The following FRMD3 variants were observed in gnomAD, a reference collection of about 807,000 sequenced individuals.
The protein encoded by FRMD3 is FERM domain containing 3, also known as FERM domain-containing protein 3.
Under a neutral mutation model 70.2 loss-of-function variants are expected in FRMD3, and 33 were observed. That is an observed-to-expected ratio of 0.47 (90% CI 0.36 to 0.63). FRMD3 has a LOEUF of 0.63. FRMD3 is among the 20% of genes least tolerant of loss of function. The pLI is 0.00. For synonymous variants in FRMD3, 279 were observed against 255.9 expected, an observed-to-expected ratio of 1.09 and a Z score of -0.86; for missense variants, 632 against 711.4, an observed-to-expected ratio of 0.89 and a Z score of 1.27.
At chr9:83,323,351 C>G (rs1427076891) in intron 6 of FRMD3, among the ~76,000 whole-genome samples, 1 of 152,192 alleles carries the variant, frequency 6.6e-6, no homozygotes, top group Non-Finnish European at 1.5e-5. Flanking sequence ...AAGCTACACG[C>G]TATGAGATGA....
chr9:83,584,107 G>A, the FRMD3 span, among the ~76,000 whole-genome samples: 2 of 152,064 alleles, frequency 1.3e-5, no homozygotes, highest in Admixed American at 6.6e-5. Context: ...AGGCCAAGGC[G>A]GGTGGATCAC....
chr9:83,350,375 G>A (rs145524230), intron 3 of FRMD3, among the ~76,000 whole-genome samples: 3,504 of 151,934 alleles, frequency 0.023, 143 homozygotes, highest in African/African-American at 0.08. Context: ...TGTAATCCCA[G>A]CACTTTGGGA....
intron 5 of FRMD3, among the ~76,000 whole-genome samples, chr9:83,339,506 G>T (rs1385640523): frequency 2.0e-5 from 3 of 152,170 alleles, no homozygotes; most frequent in Non-Finnish European, 2.9e-5. Context: ...AAGTGAATGG[G>T]TGAGTAAGGT....
rs552043234 is a variant in FRMD3, at chr9:83,298,827, C to G, written c.1002-11G>C. 1 of 1,613,514 alleles carries G rather than the reference C, an allele frequency of 6.2e-7. No individual in the cohort carries two copies. Among genetic ancestry groups the G allele is most frequent in the African/African-American group, 1.3e-5 (1 of 75,036 alleles). On this transcript the variant is annotated splice_polypyrimidine_tract_variant and intron_variant, in intron 11 of 13. Coordinates refer to ENST00000304195, the MANE Select transcript of FRMD3 (RefSeq NM_174938.6). Reference sequence around the variant, plus strand: ...TTGGCAACTTTCCCACTGCAAAAGACAGAAACACATGTGTATGCACACATA... The same window carrying G: ...TTGGCAACTTTCCCACTGCAAAAGAGAGAAACACATGTGTATGCACACATA...
At chr9:83,354,709 G>T (rs1047905743) in intron 3 of FRMD3, among the ~76,000 whole-genome samples, 6 of 152,064 alleles carry the variant, frequency 3.9e-5, no homozygotes, top group African/African-American at 1.4e-4. Flanking sequence ...GGGTAAACAG[G>T]TATAAAAATC....
intron 13 of FRMD3, chr9:83,279,400 G>A (rs1272782451): frequency 6.6e-6 from 1 of 152,090 alleles, no homozygotes; most frequent in East Asian, 1.9e-4. Context: ...TCATGTCTCA[G>A]TTACCACATT....
chr9:83,468,526 G>A (rs1828189782), intron 1 of FRMD3, among the ~76,000 whole-genome samples: 1 of 152,076 alleles, frequency 6.6e-6, no homozygotes, highest in South Asian at 2.1e-4. Context: ...GTTCCTAAAC[G>A]GTTCATTTCT....
At position 83,507,602 on chromosome 9, in the gene FRMD3, A is replaced by G. The variant is rs1459269795; in HGVS notation, c.147+30483T>C. ...GGAGAATGGCATGAACCTGGGAGGC[A>G]GAGCTTGCAGTGAGCCATGATCGCG... On this transcript the variant is annotated intron_variant, in intron 1 of 13. Coordinates refer to ENST00000304195, the MANE Select transcript of FRMD3 (RefSeq NM_174938.6). Among the ~76,000 whole-genome samples, 9 of 147,536 alleles carry G rather than the reference A, an allele frequency of 6.1e-5. No individual in the cohort carries two copies. In the East Asian group the frequency reaches 1.8e-3, roughly 29 times the overall value.
rs1671132055 is a variant in FRMD3, at chr9:83,272,924, T to C, written c.1195+17679A>G. On this transcript the variant is annotated intron_variant, in intron 13 of 13. Coordinates refer to ENST00000304195, the MANE Select transcript of FRMD3 (RefSeq NM_174938.6). ...CCCGGCAGCCGCCCCGTCTGAGAAG[T>C]GAGGAGCCCCTCCGCCCGGCAGCCG... Among the ~76,000 whole-genome samples, 4 of 146,170 alleles carry C rather than the reference T, an allele frequency of 2.7e-5. No homozygotes were observed. The South Asian group carries it at 8.8e-4, about 32-fold the overall frequency.
At chr9:83,401,973 A>G (rs1362552263) in intron 1 of FRMD3, among the ~76,000 whole-genome samples, 2 of 152,104 alleles carry the variant, frequency 1.3e-5, no homozygotes, top group Non-Finnish European at 2.9e-5. Flanking sequence ...TTTTTTAAAT[A>G]TGCACCTAAA....
chr9:83,314,504 A>C (rs1003463845), intron 6 of FRMD3, among the ~76,000 whole-genome samples: 15 of 152,234 alleles, frequency 9.9e-5, no homozygotes, highest in African/African-American at 3.6e-4. Context: ...TTTTATTTTC[A>C]AAATGTAAAA....
intron 1 of FRMD3, among the ~76,000 whole-genome samples, chr9:83,419,420 A>G (rs1050559320): frequency 1.3e-5 from 2 of 152,034 alleles, no homozygotes; most frequent in African/African-American, 2.4e-5. Context: ...CATTATAGGC[A>G]TCATGATCTT....
chr9:83,366,221 T>C (rs1296246267), intron 3 of FRMD3, among the ~76,000 whole-genome samples: 1 of 152,170 alleles, frequency 6.6e-6, no homozygotes, highest in Non-Finnish European at 1.5e-5. Flanking sequence ...TTCAAGCAAT[T>C]ACATTTAAAT....
chr9:83,416,737 T>TTCTCTCTGTC (rs1222654205), intron 1 of FRMD3, among the ~76,000 whole-genome samples: 1 of 80,988 alleles, frequency 1.2e-5, no homozygotes, highest in Non-Finnish European at 2.7e-5. Context: ...CCTAAAACAT[T>TTCTCTCTGTC]TCTCTCTGTC....
chr9:83,322,035 C>A (rs1177607064), intron 6 of FRMD3, among the ~76,000 whole-genome samples: 1 of 152,112 alleles, frequency 6.6e-6, no homozygotes, highest in Non-Finnish European at 1.5e-5. Flanking sequence ...ACAACTTGAA[C>A]TCGGCCCACG....
At position 83,372,881 on chromosome 9, in the gene FRMD3, T is replaced by C. The variant is rs563599518; in HGVS notation, c.295+32A>G. ...ACAGTATCTATCTTTGGACACATTG[T>C]AGCAAAAGTAAAGTCACAGATTGAC... On this transcript the variant is annotated intron_variant, in intron 3 of 13. Transcript: ENST00000304195. 1.6e-5 allele frequency: 26 copies of C among 1,584,404 alleles called. No individual in the cohort carries two copies. In the East Asian group the frequency reaches 5.4e-4, roughly 33 times the overall value.
intron 1 of FRMD3, among the ~76,000 whole-genome samples, chr9:83,474,448 C>G (rs567150370): frequency 1.3e-5 from 2 of 152,190 alleles, no homozygotes; most frequent in South Asian, 4.1e-4. Flanking sequence ...TATGAAAAAT[C>G]AAAGGTTCTT....
In FRMD3 at chr9:83,245,949, A is replaced by G. The variant is rs1426203236; in HGVS notation, c.*1969T>C. 1.0e-6 allele frequency: 1 copy of G among 983,108 alleles called. No individual in the cohort carries two copies. Among genetic ancestry groups the G allele is most frequent in the Non-Finnish European group, 1.2e-6 (1 of 827,958 alleles). The allele number at this position is 983,108 out of a possible 1,614,324, so 60.9% of individuals were successfully genotyped here. A position where few individuals can be genotyped will look rare whatever the true frequency, so the allele number is the denominator to read the frequency against. ...CAGTATCAACTTTCAGGTAATAAAC[A>G]AACAATCTTTATTTAAAAAGCAAAA... On this transcript the variant is annotated 3_prime_UTR_variant, in exon 14 of 14. Transcript: ENST00000304195.
chr9:83,311,978 G>GAA lies in FRMD3; in HGVS notation c.685-5_685-4dup, dbSNP rs200178795. ...AATGTTGTTGTGCCTGTTGAATCCT[G>GAA]AAAAAAAAAAAAAAGAAAAAAGAAA... On this transcript the variant is annotated splice_region_variant and splice_polypyrimidine_tract_variant and intron_variant, in intron 7 of 13. Coordinates refer to ENST00000304195, the MANE Select transcript of FRMD3 (RefSeq NM_174938.6). 1,540 of 1,318,236 alleles carry GAA rather than the reference G, an allele frequency of 1.2e-3. No individual in the cohort carries two copies. Among genetic ancestry groups the GAA allele is most frequent in the South Asian group, 1.8e-3 (130 of 73,254 alleles). 81.7% of individuals were successfully genotyped at this position (1,318,236 alleles called of 1,614,324 possible).
Sources: gnomAD v4.1 joint callset for allele counts (sites outside exome capture counted in the v4.1 genomes callset) on GRCh38, gnomAD v4.1.1 for gene constraint, MANE v1.5 for transcripts, NCBI Gene and HGNC (gene_info 2026-07-23, HGNC 2026-07-21) for gene names.